The following STPG2 variants were observed in gnomAD, a reference collection of about 807,000 sequenced individuals.
STPG2 encodes sperm-tail PG-rich repeat-containing protein 2.
STPG2 carries 56 observed loss-of-function variants against 54.2 expected under a neutral mutation model. The observed-to-expected ratio is 1.03, with a 90% CI of 0.83 to 1.29. The LOEUF is 1.29. Among genes scored for constraint, STPG2 ranks in the 50% most tolerant of loss-of-function variants. The pLI is 0.00. For missense variants in STPG2, 596 were observed against 544.9 expected (o/e 1.09, Z -0.93); for synonymous variants, 200 against 181.8 (o/e 1.10, Z -0.81).
chr4:97,862,816 G>A (rs1729606113), intron 8 of STPG2, among the ~76,000 whole-genome samples: 2 of 152,106 alleles, frequency 1.3e-5, no homozygotes, highest in Non-Finnish European at 2.9e-5. Flanking sequence ...TCAACTACAT[G>A]GAAACTGAAC....
chr4:98,005,680 T>C (rs1735556580), intron 5 of STPG2, among the ~76,000 whole-genome samples: 1 of 152,190 alleles, frequency 6.6e-6, no homozygotes, highest in Non-Finnish European at 1.5e-5. Context: ...TATTTATTAA[T>C]TTGAATATGT....
chr4:97,678,213 G>C (rs750351200), intron 10 of STPG2, among the ~76,000 whole-genome samples: 2 of 151,668 alleles, frequency 1.3e-5, no homozygotes, highest in Non-Finnish European at 2.9e-5. Flanking sequence ...GTTTTTTTCA[G>C]TTTTCCATTT....
intron 10 of STPG2, among the ~76,000 whole-genome samples, chr4:97,683,132 C>A (rs7668219): frequency 6.6e-6 from 1 of 151,772 alleles, no homozygotes; most frequent in Admixed American, 6.6e-5. Flanking sequence ...CAAAGCACAG[C>A]AAGCAGTATG....
At chr4:97,836,245 A>G (rs1578607095) in intron 9 of STPG2, among the ~76,000 whole-genome samples, 1 of 151,972 alleles carries the variant, frequency 6.6e-6, no homozygotes, top group South Asian at 2.1e-4. Context: ...TTATTTTAAG[A>G]AATTTCCAGA....
chr4:98,139,347 G>A (rs188956574), intron 1 of STPG2, among the ~76,000 whole-genome samples: 1 of 152,314 alleles, frequency 6.6e-6, no homozygotes, highest in East Asian at 1.9e-4. Context: ...GCAGTTAGGA[G>A]AGAACGGTTG....
chr4:97,579,863 T>C (rs1472145536), intron 10 of STPG2, among the ~76,000 whole-genome samples: 1 of 152,024 alleles, frequency 6.6e-6, no homozygotes, highest in Non-Finnish European at 1.5e-5. Flanking sequence ...AATCTTTTAT[T>C]GAAACCACTA....
intron 4 of STPG2, among the ~76,000 whole-genome samples, chr4:97,477,338 C>T (rs1439472327): frequency 6.6e-6 from 1 of 152,182 alleles, no homozygotes; most frequent in Non-Finnish European, 1.5e-5. Flanking sequence ...AACTCCTAAT[C>T]ACCTGAGTGG....
chr4:97,605,388 C>A (rs1239582033), intron 10 of STPG2, among the ~76,000 whole-genome samples: 1 of 151,692 alleles, frequency 6.6e-6, no homozygotes, highest in Non-Finnish European at 1.5e-5. Flanking sequence ...CACACACTAT[C>A]TCTATGAAAC....
intron 10 of STPG2, among the ~76,000 whole-genome samples, chr4:97,589,332 T>C (rs908760506): frequency 6.6e-6 from 1 of 152,098 alleles, no homozygotes; most frequent in Non-Finnish European, 1.5e-5. Flanking sequence ...AGCCATTATA[T>C]AGTAGGGAAT....
At chr4:97,579,961 G>A (rs1732822932) in intron 10 of STPG2, among the ~76,000 whole-genome samples, 1 of 151,878 alleles carries the variant, frequency 6.6e-6, no homozygotes, top group South Asian at 2.1e-4. Flanking sequence ...AATTATAAAT[G>A]CCCAATCTAA....
At chr4:97,935,239 CTCT>C (rs1471019463) in intron 8 of STPG2, among the ~76,000 whole-genome samples, 1 of 152,094 alleles carries the variant, frequency 6.6e-6, no homozygotes, top group African/African-American at 2.4e-5. Context: ...CTTGATTCTT[CTCT>C]TTTTTCCTCT....
At chr4:98,016,264 C>T (rs1175505981) in intron 5 of STPG2, among the ~76,000 whole-genome samples, 1 of 152,090 alleles carries the variant, frequency 6.6e-6, no homozygotes, top group African/African-American at 2.4e-5. Flanking sequence ...TGTGTTTAAT[C>T]TATTTTAGGC....
intron 8 of STPG2, among the ~76,000 whole-genome samples, chr4:97,900,658 AAACT>A (rs553483533): frequency 2.6e-5 from 4 of 152,056 alleles, no homozygotes; most frequent in Non-Finnish European, 5.9e-5. Flanking sequence ...TATTCTTACC[AAACT>A]AACACAGAAA....
chr4:97,574,234 T>C (rs1335508552), intron 10 of STPG2, among the ~76,000 whole-genome samples: 2 of 152,110 alleles, frequency 1.3e-5, no homozygotes, highest in African/African-American at 4.8e-5. Flanking sequence ...AAGTCACTTC[T>C]AGAGAGCTGA....
rs540689681 is a variant in STPG2, at chr4:98,060,901, A to T, written c.612+45052T>A. On this transcript the variant is annotated intron_variant, in intron 5 of 10. Transcript: ENST00000295268. Reference sequence around the variant, plus strand: ...TGCAACTGGACCCCTTCCTTTTGCCATATACAAAAACTAACTCAAGATGGA... The same window carrying T: ...TGCAACTGGACCCCTTCCTTTTGCCTTATACAAAAACTAACTCAAGATGGA... 5.9e-5 allele frequency among the ~76,000 whole-genome samples: 9 copies of T among 152,306 alleles called. No homozygotes were observed. In the South Asian group the frequency reaches 1.9e-3, roughly 32 times the overall value.
intron 5 of STPG2, among the ~76,000 whole-genome samples, chr4:98,040,802 G>A (rs561348121): frequency 3.3e-5 from 5 of 151,778 alleles, no homozygotes; most frequent in Middle Eastern, 3.4e-3. Flanking sequence ...TTGGATAGTC[G>A]AGCTCTTTTT....
chr4:97,516,241 A>G (rs1003757004), intron 4 of STPG2, among the ~76,000 whole-genome samples: 1 of 152,154 alleles, frequency 6.6e-6, no homozygotes, highest in African/African-American at 2.4e-5. Context: ...CAATTTTTGT[A>G]GTAATTTTCA....
intron 4 of STPG2, among the ~76,000 whole-genome samples, chr4:97,494,326 C>T (rs998217037): frequency 1.3e-5 from 2 of 151,468 alleles, no homozygotes; most frequent in Non-Finnish European, 3.0e-5. Flanking sequence ...AGAAAATGAA[C>T]ATTTACTTAG....
intron 10 of STPG2, among the ~76,000 whole-genome samples, chr4:97,666,526 A>G (rs754035951): frequency 1.3e-5 from 2 of 152,186 alleles, no homozygotes; most frequent in Non-Finnish European, 2.9e-5. Context: ...AGATGCCCAC[A>G]TATTTCTTGG....
Sources: gnomAD v4.1 joint callset for allele counts (sites outside exome capture counted in the v4.1 genomes callset) on GRCh38, gnomAD v4.1.1 for gene constraint, MANE v1.5 for transcripts, NCBI Gene and HGNC (gene_info 2026-07-23, HGNC 2026-07-21) for gene names.